SGCZ: variants seen among roughly 807,000 people sequenced by gnomAD.
The protein encoded by SGCZ is sarcoglycan zeta.
SGCZ carries 40 observed loss-of-function variants against 41.3 expected under a neutral mutation model. That is an observed-to-expected ratio of 0.97 (90% CI 0.75 to 1.26). The LOEUF is 1.26. Ranked by LOEUF, SGCZ falls within the 50% of genes most tolerant of loss-of-function variation. The pLI, the probability that SGCZ is intolerant of heterozygous loss-of-function variation, is 0.00. For missense variants in SGCZ, 552 were observed against 369.8 expected (o/e 1.49, Z -4.04); for synonymous variants, 206 against 137.5 (o/e 1.50, Z -3.49).
At chr8:14,598,831 A>T (rs1441470088) in intron 1 of SGCZ, among the ~76,000 whole-genome samples, 2 of 152,088 alleles carry the variant, frequency 1.3e-5, no homozygotes, top group Non-Finnish European at 2.9e-5. Flanking sequence ...ACCAGCCAAA[A>T]AGATATTTAA....
rs113843453 is a variant in SGCZ at position 14,598,533 on chromosome 8, CT to C, written c.40-43608del. Among the ~76,000 whole-genome samples the C allele has an allele frequency of 3.2e-4, 48 of 148,036 alleles. No homozygotes were observed. In the South Asian group the frequency reaches 5.4e-3, roughly 17 times the overall value. On this transcript the variant is annotated intron_variant, in intron 1 of 7. Coordinates refer to ENST00000382080, the MANE Select transcript of SGCZ (RefSeq NM_139167.4). ...CACATAGTTTTATATATATACATAGCTTTTTTTTTTCCTAGACAGGGGTCCA... is the reference window on the plus strand; with the variant it reads ...CACATAGTTTTATATATATACATAGCTTTTTTTTTCCTAGACAGGGGTCCA...
intron 1 of SGCZ, among the ~76,000 whole-genome samples, chr8:14,580,621 T>G (rs1347489000): frequency 1.3e-5 from 2 of 152,196 alleles, no homozygotes; most frequent in Non-Finnish European, 2.9e-5. Context: ...CTTTTTATAA[T>G]AGAAATCAGA....
chr8:14,109,323 G>A (rs1802305232), intron 5 of SGCZ, among the ~76,000 whole-genome samples: 1 of 151,898 alleles, frequency 6.6e-6, no homozygotes, highest in African/African-American at 2.4e-5. Context: ...TAATTTAACT[G>A]AGCAAAATGG....
chr8:14,607,718 GATAAAT>G (rs1310454829), intron 1 of SGCZ, among the ~76,000 whole-genome samples: 3 of 152,232 alleles, frequency 2.0e-5, no homozygotes, highest in South Asian at 2.1e-4. Flanking sequence ...ATCAAGAAAA[GATAAAT>G]ATAAAGTTAA....
intron 2 of SGCZ, among the ~76,000 whole-genome samples, chr8:14,541,060 C>G (rs114394290): frequency 0.015 from 2,326 of 150,908 alleles, 57 homozygotes; most frequent in African/African-American, 0.054. Flanking sequence ...AGAACATTAA[C>G]ATATGTGTAT....
At chr8:14,672,681 C>G (rs1260681196) in intron 1 of SGCZ, among the ~76,000 whole-genome samples, 4 of 152,152 alleles carry the variant, frequency 2.6e-5, no homozygotes, top group Non-Finnish European at 5.9e-5. Context: ...ACTGGTTGTG[C>G]TCAGGACAAC....
intron 1 of SGCZ, among the ~76,000 whole-genome samples, chr8:15,068,378 G>C (rs865969188): frequency 2.6e-5 from 4 of 152,258 alleles, no homozygotes; most frequent in Middle Eastern, 3.4e-3. Context: ...TTAGAATTTA[G>C]AGTTGAAATA....
chr8:14,590,511 A>C (rs2117283274), intron 1 of SGCZ, among the ~76,000 whole-genome samples: 1 of 151,430 alleles, frequency 6.6e-6, no homozygotes, highest in Admixed American at 6.6e-5. Flanking sequence ...TAATTCTTTA[A>C]AATTATGTTT....
intron 2 of SGCZ, among the ~76,000 whole-genome samples, chr8:14,362,274 GC>G (rs1803548665): frequency 6.6e-6 from 1 of 152,196 alleles, no homozygotes; most frequent in South Asian, 2.1e-4. Flanking sequence ...GATATGCCCT[GC>G]CCCCGGAGGT....
chr8:14,717,595 C>T (rs111612406), intron 1 of SGCZ, among the ~76,000 whole-genome samples: 9 of 151,912 alleles, frequency 5.9e-5, no homozygotes, highest in South Asian at 2.1e-4. Flanking sequence ...GCAAACTGTA[C>T]GGAGCATAAA....
intron 1 of SGCZ, among the ~76,000 whole-genome samples, chr8:14,986,237 A>G (rs577402006): frequency 6.6e-6 from 1 of 152,278 alleles, no homozygotes; most frequent in African/African-American, 2.4e-5. Context: ...ATACATGTAC[A>G]GAACATTCTT....
At chr8:14,787,760 C>T (rs911574730) in intron 1 of SGCZ, among the ~76,000 whole-genome samples, 7 of 152,110 alleles carry the variant, frequency 4.6e-5, no homozygotes, top group Non-Finnish European at 7.4e-5. Context: ...GCAGGAGAAT[C>T]GCTTGAACTC....
At chr8:14,460,365 C>T (rs1034076830) in intron 2 of SGCZ, among the ~76,000 whole-genome samples, 3 of 152,044 alleles carry the variant, frequency 2.0e-5, no homozygotes, top group South Asian at 2.1e-4. Context: ...AACATTCACA[C>T]GATATTTAGG....
chr8:14,901,276 G>T (rs1237106811), intron 1 of SGCZ, among the ~76,000 whole-genome samples: 1 of 152,098 alleles, frequency 6.6e-6, no homozygotes, highest in Non-Finnish European at 1.5e-5. Flanking sequence ...TGACTCACTG[G>T]TAACCACAGT....
intron 3 of SGCZ, among the ~76,000 whole-genome samples, chr8:14,287,909 T>A (rs1800695933): frequency 6.6e-6 from 1 of 152,224 alleles, no homozygotes; most frequent in East Asian, 1.9e-4. Context: ...AATTTGATGA[T>A]GTATTTTAGA....
intron 1 of SGCZ, among the ~76,000 whole-genome samples, chr8:14,597,458 T>C (rs1585112047): frequency 6.6e-6 from 1 of 152,170 alleles, no homozygotes; most frequent in Non-Finnish European, 1.5e-5. Context: ...AAATGCAATA[T>C]TCATTCCTTT....
intron 1 of SGCZ, among the ~76,000 whole-genome samples, chr8:15,079,296 T>A (rs1232566325): frequency 6.6e-6 from 1 of 152,252 alleles, no homozygotes; most frequent in African/African-American, 2.4e-5. Flanking sequence ...ATTTTCTTTT[T>A]ACATGTTCAA....
Position 14,755,261 on chromosome 8 carries a change from T to C in SGCZ, c.40-200335A>G, listed in dbSNP as rs114055838. On this transcript the variant is annotated intron_variant, in intron 1 of 7. Transcript: ENST00000382080. ...AAAAAAACAGCATTTGTTTGCTGTT[T>C]GTTTGCGGCTGTAGTTTTGTTGATC... 2.3e-3 allele frequency among the ~76,000 whole-genome samples: 351 copies of C among 152,330 alleles called. 3 individuals are homozygous for C. Among genetic ancestry groups the C allele is most frequent in the African/African-American group, 8.2e-3 (342 of 41,580 alleles).
At chr8:14,239,581 C>A (rs1287456844) in intron 3 of SGCZ, among the ~76,000 whole-genome samples, 2 of 151,882 alleles carry the variant, frequency 1.3e-5, no homozygotes, top group African/African-American at 4.8e-5. Flanking sequence ...AGTAAAACAC[C>A]ATAAGCATTT....
Sources: gnomAD v4.1 joint callset for allele counts (sites outside exome capture counted in the v4.1 genomes callset) on GRCh38, gnomAD v4.1.1 for gene constraint, MANE v1.5 for transcripts, NCBI Gene and HGNC (gene_info 2026-07-23, HGNC 2026-07-21) for gene names.